RBFOX1: variants seen among roughly 807,000 people sequenced by gnomAD.
RBFOX1 encodes RNA binding fox-1 homolog 1.
RBFOX1 carries 8 observed loss-of-function variants against 57.7 expected under a neutral mutation model. The ratio of observed to expected loss-of-function variants is 0.14; its 90% CI spans 0.08 to 0.25. The LOEUF (loss-of-function observed/expected upper bound fraction) is 0.25. RBFOX1 is among the 10% of genes least tolerant of loss of function. The probability of loss-of-function intolerance (pLI) is 1.00; values close to 1 mark genes in which losing one functional copy is unlikely to be tolerated. For missense variants in RBFOX1, 611 were observed against 548.5 expected (o/e 1.11, Z -1.14); for synonymous variants, 326 against 222.4 (o/e 1.47, Z -4.15).
intron 1 of RBFOX1, among the ~76,000 whole-genome samples, chr16:6,115,120 C>T (rs1024716029): frequency 2.6e-5 from 4 of 152,110 alleles, no homozygotes; most frequent in Non-Finnish European, 2.9e-5. Context: ...CTTCTGCTAA[C>T]GAGCCGTGAG....
At chr16:6,042,895 T>C (rs1441613074) in intron 1 of RBFOX1, among the ~76,000 whole-genome samples, 40 of 152,050 alleles carry the variant, frequency 2.6e-4, no homozygotes, top group Admixed American at 2.6e-3. Flanking sequence ...GAGTTAAGCT[T>C]TATCTAAAGA....
At chr16:5,691,707 G>C (rs1016644183) in intron 3 of RBFOX1, among the ~76,000 whole-genome samples, 1 of 152,218 alleles carries the variant, frequency 6.6e-6, no homozygotes, top group African/African-American at 2.4e-5. Context: ...CATGTTTTCA[G>C]ATGAGGGATG....
In RBFOX1 at chr16:6,610,199, C is replaced by G. The variant is rs191476715; in HGVS notation, c.-63-44404C>G. ...TGCATTAGACTAAATTATCATTCTG[C>G]TGAGAGTGCATCTATGTTTTCTTTT... On this transcript the variant is annotated intron_variant, in intron 2 of 15. Transcript: ENST00000550418. Among the ~76,000 whole-genome samples, 15 of 152,236 alleles carry G rather than the reference C, an allele frequency of 9.9e-5. 1 individual carries two copies. The highest frequency in any genetic ancestry group is 3.4e-4 in the African/African-American group (14 of 41,548).
At position 7,597,451 on chromosome 16, in the gene RBFOX1, T is replaced by C. The variant is rs1487896363; in HGVS notation, c.622+20T>C. ...CAAATGGTAAGTAGAGATTGGCCTT[T>C]TACAAGAAATTCTCTCTACTTCTGA... On this transcript the variant is annotated intron_variant, in intron 9 of 15. Transcript: ENST00000550418. 6.4e-7 allele frequency: 1 copy of C among 1,562,582 alleles called. No homozygotes were observed. The highest frequency in any genetic ancestry group is 8.8e-7 in the Non-Finnish European group (1 of 1,140,232).
intron 4 of RBFOX1, among the ~76,000 whole-genome samples, chr16:7,180,706 A>T (rs1172656961): frequency 1.3e-5 from 1 of 75,978 alleles, no homozygotes; most frequent in African/African-American, 5.4e-5. Context: ...ACTGTAAGTT[A>T]TTATGATGAA....
intron 2 of RBFOX1, among the ~76,000 whole-genome samples, chr16:6,420,544 T>C (rs114916709): frequency 0.013 from 2,054 of 152,224 alleles, 47 homozygotes; most frequent in African/African-American, 0.045. Context: ...AAAAACCACA[T>C]CGGGATAAAA....
At chr16:7,309,953 A>C (rs959786738) in intron 4 of RBFOX1, among the ~76,000 whole-genome samples, 1 of 152,210 alleles carries the variant, frequency 6.6e-6, no homozygotes, top group East Asian at 1.9e-4. Flanking sequence ...AAGCAAAGAA[A>C]GTTCCATTCA....
intron 13 of RBFOX1, among the ~76,000 whole-genome samples, chr16:7,669,527 G>A (rs1014226013): frequency 1.5e-4 from 23 of 152,210 alleles, no homozygotes; most frequent in African/African-American, 3.9e-4. Context: ...CATCCTAAGC[G>A]TCCTAACATT....
chr16:7,682,492 C>T (rs936312072), intron 14 of RBFOX1, among the ~76,000 whole-genome samples: 1 of 114,906 alleles, frequency 8.7e-6, no homozygotes, highest in African/African-American at 3.1e-5. Context: ...AAGCCAAAGT[C>T]ATATCTCTGT....
intron 4 of RBFOX1, among the ~76,000 whole-genome samples, chr16:7,390,848 G>A (rs1380115968): frequency 6.6e-6 from 1 of 152,122 alleles, no homozygotes; most frequent in Non-Finnish European, 1.5e-5. Flanking sequence ...GTTGTTTGCT[G>A]TGATTTGTAC....
chr16:6,496,928 C>G (rs1703286813), intron 2 of RBFOX1, among the ~76,000 whole-genome samples: 1 of 152,042 alleles, frequency 6.6e-6, no homozygotes, highest in Non-Finnish European at 1.5e-5. Flanking sequence ...CCATTGCACT[C>G]CAGCCTGGGC....
At chr16:7,034,298 G>C (rs1367877631) in intron 3 of RBFOX1, among the ~76,000 whole-genome samples, 1 of 152,188 alleles carries the variant, frequency 6.6e-6, no homozygotes, top group Non-Finnish European at 1.5e-5. Flanking sequence ...TAAGGTCCCT[G>C]TAAGAAGTCA....
At chr16:6,491,439 T>G (rs762921219) in intron 2 of RBFOX1, among the ~76,000 whole-genome samples, 1 of 152,140 alleles carries the variant, frequency 6.6e-6, no homozygotes, top group East Asian at 1.9e-4. Flanking sequence ...GAAATTTTCT[T>G]AGGAATCTAA....
intron 2 of RBFOX1, among the ~76,000 whole-genome samples, chr16:6,506,486 C>A (rs974423534): frequency 6.6e-6 from 1 of 151,962 alleles, no homozygotes; most frequent in Non-Finnish European, 1.5e-5. Context: ...TGAACCAAGA[C>A]TCTATTAAAA....
chr16:7,113,257 T>G lies in RBFOX1; in HGVS notation c.27+61159T>G, dbSNP rs2065173172. On this transcript the variant is annotated intron_variant, in intron 4 of 15. Transcript: ENST00000550418. ...GTTGATTTGAATGGAGACCCAAGAG[T>G]GTACCTCTGAGTCATTTTGGGTAAG... 1.3e-5 allele frequency among the ~76,000 whole-genome samples: 2 copies of G among 152,122 alleles called. 1 individual carries two copies. The highest frequency in any genetic ancestry group is 4.1e-4 in the South Asian group (2 of 4,824).
chr16:7,705,161 A>G (rs1307152021), intron 14 of RBFOX1, among the ~76,000 whole-genome samples: 3 of 152,082 alleles, frequency 2.0e-5, no homozygotes, highest in Non-Finnish European at 4.4e-5. Flanking sequence ...AGGGTGAGCA[A>G]GTGCCAAGAC....
intron 3 of RBFOX1, among the ~76,000 whole-genome samples, chr16:5,780,026 C>T (rs114808919): frequency 2.0e-3 from 297 of 152,294 alleles, no homozygotes; most frequent in African/African-American, 6.6e-3. Context: ...ATTTTCAAGA[C>T]GGAGTCTTGC....
At chr16:7,411,876 C>T (rs2098429765) in intron 4 of RBFOX1, among the ~76,000 whole-genome samples, 1 of 145,278 alleles carries the variant, frequency 6.9e-6, no homozygotes, top group South Asian at 2.2e-4. Flanking sequence ...GCATTCCAGC[C>T]TGGACAACAA....
chr16:6,926,723 G>A (rs2075655175), intron 3 of RBFOX1, among the ~76,000 whole-genome samples: 4 of 152,162 alleles, frequency 2.6e-5, no homozygotes, highest in Admixed American at 1.3e-4. Context: ...ATTCGTTCAA[G>A]AACTGGTGAA....
Sources: allele counts gnomAD v4.1 joint callset (sites outside exome capture counted in the v4.1 genomes callset), GRCh38; gene constraint gnomAD v4.1.1; transcripts MANE v1.5; gene names NCBI Gene and HGNC (gene_info 2026-07-23, HGNC 2026-07-21).